The following GRID2 variants were observed in gnomAD, a reference collection of about 807,000 sequenced individuals.
GRID2 encodes the protein glutamate ionotropic receptor delta type subunit 2, also known as glutamate receptor ionotropic, delta-2.
In GRID2, 33 loss-of-function variants were observed where a neutral mutation model predicts 114.8. The observed-to-expected ratio is 0.29, with a 90% CI of 0.22 to 0.38. GRID2 has a LOEUF of 0.38. GRID2 is among the 10% of genes least tolerant of loss of function. The probability of loss-of-function intolerance (pLI) is 1.00; values close to 1 mark genes in which losing one functional copy is unlikely to be tolerated. For synonymous variants in GRID2, 505 were observed against 449.9 expected, an observed-to-expected ratio of 1.12 and a Z score of -1.55; for missense variants, 1,184 against 1,257.7, an observed-to-expected ratio of 0.94 and a Z score of 0.89.
At chr4:92,536,036 A>G (rs550772028) in intron 1 of GRID2, among the ~76,000 whole-genome samples, 3 of 152,196 alleles carry the variant, frequency 2.0e-5, no homozygotes, top group South Asian at 2.1e-4. Flanking sequence ...CCAAAGAGTG[A>G]GCAGCATTAG....
intron 1 of GRID2, among the ~76,000 whole-genome samples, chr4:92,309,234 T>C (rs1725573343): frequency 6.6e-6 from 1 of 152,042 alleles, no homozygotes; most frequent in Non-Finnish European, 1.5e-5. Flanking sequence ...CTCAGGCTAA[T>C]TTTATCATAT....
intron 2 of GRID2, among the ~76,000 whole-genome samples, chr4:92,765,884 C>A (rs1411146373): frequency 6.6e-6 from 1 of 152,138 alleles, no homozygotes; most frequent in Non-Finnish European, 1.5e-5. Context: ...TCTTGGCCCT[C>A]TCTGTTTGAC....
intron 2 of GRID2, among the ~76,000 whole-genome samples, chr4:92,800,933 T>G (rs994047087): frequency 6.6e-6 from 1 of 152,008 alleles, no homozygotes; most frequent in Non-Finnish European, 1.5e-5. Context: ...CTCAGTTACT[T>G]AAGCTCTCTT....
intron 1 of GRID2, among the ~76,000 whole-genome samples, chr4:92,541,036 T>A (rs10028156): frequency 6.6e-6 from 1 of 151,870 alleles, no homozygotes; most frequent in Non-Finnish European, 1.5e-5. Context: ...AGCAAACTAT[T>A]GCAAGGACAA....
chr4:92,607,431 C>G (rs992818358), intron 2 of GRID2, among the ~76,000 whole-genome samples: 60 of 151,686 alleles, frequency 4.0e-4, no homozygotes, highest in African/African-American at 1.5e-3. Flanking sequence ...TTTGTAGGAG[C>G]GTTATACTGT....
intron 2 of GRID2, among the ~76,000 whole-genome samples, chr4:92,734,304 T>A (rs1425781309): frequency 2.6e-5 from 4 of 152,072 alleles, no homozygotes; most frequent in Non-Finnish European, 5.9e-5. Flanking sequence ...ACTTTTTTTT[T>A]AAGATAGGGT....
At chr4:92,332,060 G>T (rs144431351) in intron 1 of GRID2, among the ~76,000 whole-genome samples, 35 of 152,236 alleles carry the variant, frequency 2.3e-4, no homozygotes, top group African/African-American at 7.5e-4. Context: ...CAGAAATTAT[G>T]CTTGAAGCTT....
intron 14 of GRID2, among the ~76,000 whole-genome samples, chr4:93,715,809 T>C (rs112636845): frequency 0.042 from 6,413 of 152,292 alleles, 218 homozygotes; most frequent in African/African-American, 0.085. Flanking sequence ...AAGTTGTATA[T>C]CAGCTGGAGA....
rs1159551392 is a variant in GRID2 at position 92,988,543 on chromosome 4, AAG to A, written c.245-96445_245-96444del. On this transcript the variant is annotated intron_variant, in intron 2 of 15. Transcript: ENST00000282020. ...GGTCACTAGATCCAGATCTCACTTG[AAG>A]AGAGAGGATTGCACAACCATGAATC... Among the ~76,000 whole-genome samples, 3 of 152,282 alleles carry A rather than the reference AAG, an allele frequency of 2.0e-5. No individual in the cohort carries two copies. In the East Asian group the frequency reaches 5.8e-4, roughly 29 times the overall value.
At chr4:92,737,388 T>C (rs79926007) in intron 2 of GRID2, among the ~76,000 whole-genome samples, 5 of 151,850 alleles carry the variant, frequency 3.3e-5, no homozygotes, top group Non-Finnish European at 7.4e-5. Context: ...CCCATTTCAA[T>C]TTTTTTAAGC....
chr4:92,578,961 T>A (rs575795290), intron 1 of GRID2, among the ~76,000 whole-genome samples: 1 of 152,312 alleles, frequency 6.6e-6, no homozygotes, highest in East Asian at 1.9e-4. Flanking sequence ...TTTGCCAATT[T>A]GCTTTATAGC....
At chr4:93,745,679 G>A (rs543365506) in intron 14 of GRID2, among the ~76,000 whole-genome samples, 150 of 152,160 alleles carry the variant, frequency 9.9e-4, no homozygotes, top group Admixed American at 2.9e-3. Flanking sequence ...CTTCTCTTTC[G>A]TAAGGACTCA....
intron 2 of GRID2, among the ~76,000 whole-genome samples, chr4:92,681,411 T>C (rs1357267103): frequency 6.6e-6 from 1 of 152,108 alleles, no homozygotes; most frequent in African/African-American, 2.4e-5. Flanking sequence ...TGGTGTTTGG[T>C]TTTTTGTCCT....
At chr4:93,258,334 G>C (rs1426407599) in intron 8 of GRID2, among the ~76,000 whole-genome samples, 1 of 151,596 alleles carries the variant, frequency 6.6e-6, no homozygotes, top group Non-Finnish European at 1.5e-5. Flanking sequence ...AAGTTTGGGT[G>C]AAATAGAATA....
At chr4:92,407,987 T>G (rs1466752101) in intron 1 of GRID2, among the ~76,000 whole-genome samples, 1 of 152,198 alleles carries the variant, frequency 6.6e-6, no homozygotes, top group Non-Finnish European at 1.5e-5. Flanking sequence ...CATTTGGGCT[T>G]AGCCATAAAT....
intron 14 of GRID2, among the ~76,000 whole-genome samples, chr4:93,746,620 C>T (rs1731861534): frequency 6.6e-6 from 1 of 151,918 alleles, no homozygotes; most frequent in Non-Finnish European, 1.5e-5. Context: ...CAAGAAAGTA[C>T]AAAATGTTAA....
intron 2 of GRID2, among the ~76,000 whole-genome samples, chr4:92,984,521 T>A (rs1332896488): frequency 6.6e-6 from 1 of 152,248 alleles, no homozygotes; most frequent in Admixed American, 6.5e-5. Flanking sequence ...GTACAGCTAA[T>A]ACTCATTTGG....
intron 2 of GRID2, among the ~76,000 whole-genome samples, chr4:92,746,165 C>A (rs758817699): frequency 5.9e-5 from 9 of 152,024 alleles, no homozygotes; most frequent in Non-Finnish European, 1.3e-4. Context: ...ATATCATCAC[C>A]TTGCACATAT....
At chr4:92,937,620 G>C (rs1242648362) in intron 2 of GRID2, among the ~76,000 whole-genome samples, 1 of 146,714 alleles carries the variant, frequency 6.8e-6, no homozygotes, top group African/African-American at 2.4e-5. Flanking sequence ...TTTGCAATAA[G>C]ATTTGAAGGG....
Sources: allele counts gnomAD v4.1 joint callset (sites outside exome capture counted in the v4.1 genomes callset), GRCh38; gene constraint gnomAD v4.1.1; transcripts MANE v1.5; gene names NCBI Gene and HGNC (gene_info 2026-07-23, HGNC 2026-07-21).